Variants in NAA30 observed in about 807,000 individuals in gnomAD.
The protein encoded by NAA30 is N-alpha-acetyltransferase 30.
A neutral mutation model predicts 31.4 loss-of-function variants in NAA30; 5 were observed. The observed-to-expected ratio is 0.16, with a 90% CI of 0.08 to 0.33. The LOEUF (loss-of-function observed/expected upper bound fraction) is 0.33, where lower values mean the gene tolerates loss of function less well. NAA30 is among the 10% of genes least tolerant of loss of function. The pLI, the probability that NAA30 is intolerant of heterozygous loss-of-function variation, is 1.00. For synonymous variants in NAA30, 222 were observed against 207.1 expected, an observed-to-expected ratio of 1.07 and a Z score of -0.62; for missense variants, 428 against 490.8, an observed-to-expected ratio of 0.87 and a Z score of 1.21.
At position 57,391,471 on chromosome 14, in the gene NAA30, G is replaced by GT; in HGVS notation, c.514_515insT (p.Gly172ValfsTer35). The stretch of plus-strand genomic sequence containing the variant: ...GGCGGCCCGCAATGGACTGGCCGAG[G>GT]GCACCGAGCAGGAGGAGGAGGAGGA... On this transcript the variant is annotated frameshift_variant, in exon 2 of 5. Transcript: ENST00000556492. LOFTEE classifies it high-confidence loss of function. This position sits in a 1 kb window ranked among gnomAD's most constrained non-coding sequence, Gnocchi z 4.1. 6.8e-6 allele frequency: 11 copies of GT among 1,612,086 alleles called. No individual in the cohort carries two copies. The highest frequency in any genetic ancestry group is 9.3e-6 in the Non-Finnish European group (11 of 1,179,350).
intron 4 of NAA30, among the ~76,000 whole-genome samples, chr14:57,402,537 TTC>T (rs368725283): frequency 1.9e-3 from 283 of 152,344 alleles, no homozygotes; most frequent in African/African-American, 6.3e-3. Flanking sequence ...TCTCTGAACT[TTC>T]TGTGTGCTTT....
At chr14:57,401,039 T>A (rs905241120) in intron 4 of NAA30, among the ~76,000 whole-genome samples, 7 of 152,200 alleles carry the variant, frequency 4.6e-5, no homozygotes, top group Non-Finnish European at 7.3e-5. Context: ...CCTGGCCTGT[T>A]GCTACTGTTA....
rs1429473456 is a variant in NAA30 at position 57,414,943 on chromosome 14, TTAAAC to T, written c.*5430_*5434del. On this transcript the variant is annotated 3_prime_UTR_variant, in exon 5 of 5. Coordinates refer to ENST00000556492, the MANE Select transcript of NAA30 (RefSeq NM_001011713.3). ...CAAATTTATCTTCTAATACTACTAT[TTAAAC>T]TATGCAATATGGGGGTTATAATGAA... 15 of 152,254 alleles carry T rather than the reference TTAAAC, an allele frequency of 9.9e-5. No individual in the cohort carries two copies. Among genetic ancestry groups the T allele is most frequent in the African/African-American group, 3.4e-4 (14 of 41,466 alleles). 9.4% of individuals were successfully genotyped at this position (152,254 alleles called of 1,614,324 possible). A position where few individuals can be genotyped will look rare whatever the true frequency, so the allele number is the denominator to read the frequency against.
In NAA30 at chr14:57,391,390, A is replaced by G; in HGVS notation, c.433A>G (p.Asn145Asp). 6.2e-7 allele frequency: 1 copy of G among 1,609,622 alleles called. No homozygotes were observed. The highest frequency in any genetic ancestry group is 1.7e-4 in the Middle Eastern group (1 of 6,014). ...GAGGCCCCCTCACTCCCTCTCTAGTAATGCAAGAACTGCGGTCCCCAGCCC... is the reference window on the plus strand; with the variant it reads ...GAGGCCCCCTCACTCCCTCTCTAGTGATGCAAGAACTGCGGTCCCCAGCCC... Reference protein sequence around the residue: ...GERPPHSLSSNARTAVPSPVE... With the variant: ...GERPPHSLSSDARTAVPSPVE... The change falls in exon 2 of 5, where the codon AAT (asparagine) becomes GAT (aspartate). Residue 145 changes from asparagine to aspartate, a missense_variant. Physicochemically the swap from Asn to Asp is conservative, Grantham distance 23. Around this residue, in one of 2 missense-constraint regions of NAA30, gnomAD observed 349 missense variants for 310.4 expected, o/e 1.12. Coordinates refer to ENST00000556492, the MANE Select transcript of NAA30 (RefSeq NM_001011713.3). The surrounding 1 kb of genome is among the most constrained non-coding windows in gnomAD (Gnocchi z 4.1).
intron 4 of NAA30, among the ~76,000 whole-genome samples, chr14:57,401,863 T>C (rs903664327): frequency 6.6e-6 from 1 of 152,220 alleles, no homozygotes. Flanking sequence ...AAATTAATGA[T>C]ATATTTTATG....
chr14:57,408,934 T>C (rs1013588932), intron 4 of NAA30, among the ~76,000 whole-genome samples: 1 of 152,206 alleles, frequency 6.6e-6, no homozygotes, highest in Non-Finnish European at 1.5e-5. Flanking sequence ...ATGGTAGTTA[T>C]TGCCAGAATA....
intron 2 of NAA30, 109 bp from the exon 3 acceptor site, chr14:57,396,643 A>C: frequency 8.8e-7 from 1 of 1,139,944 alleles, no homozygotes. Flanking sequence ...AGTTCCCATT[A>C]TCTTCCCCCG....
intron 2 of NAA30, among the ~76,000 whole-genome samples, chr14:57,394,587 CTAA>C (rs1307594475): frequency 6.6e-6 from 1 of 152,080 alleles, no homozygotes; most frequent in African/African-American, 2.4e-5. Flanking sequence ...GTCTTCACTA[CTAA>C]TGTCATCGTA....
In NAA30 at chr14:57,391,319, G is replaced by T; in HGVS notation, c.362G>T (p.Gly121Val). Residue 121 changes from glycine (G) to valine (V), a missense_variant, in exon 2 of 5, where the codon GGC becomes GTC. Gly to Val is a moderately radical substitution (Grantham distance 109). Coordinates refer to ENST00000556492, the MANE Select transcript of NAA30 (RefSeq NM_001011713.3). This position sits in a 1 kb window ranked among gnomAD's most constrained non-coding sequence, Gnocchi z 4.1. ...VAATTATPDG[G>V]PRATATKGAG... ...GCGACCACAGCCACCCCTGACGGAG[G>T]CCCCAGAGCGACTGCAACAAAAGGA... 6.2e-7 allele frequency: 1 copy of T among 1,611,314 alleles called. No individual in the cohort carries two copies. Among genetic ancestry groups the T allele is most frequent in the Non-Finnish European group, 8.5e-7 (1 of 1,179,298 alleles).
intron 2 of NAA30, among the ~76,000 whole-genome samples, chr14:57,393,216 A>G (rs1023992569): frequency 6.6e-6 from 1 of 152,190 alleles, no homozygotes; most frequent in Admixed American, 6.5e-5. Flanking sequence ...TTGAGTCCTG[A>G]TAGTTACCTA....
intron 2 of NAA30, among the ~76,000 whole-genome samples, chr14:57,395,819 T>G (rs1411106400): frequency 1.3e-5 from 2 of 152,140 alleles, no homozygotes; most frequent in Non-Finnish European, 2.9e-5. Flanking sequence ...CTTACATATA[T>G]TAACAAAAAC....
chr14:57,393,809 C>T lies in NAA30; in HGVS notation c.771+2081C>T, dbSNP rs116332095. 3.7e-3 allele frequency among the ~76,000 whole-genome samples: 556 copies of T among 152,148 alleles called. 4 individuals carry two copies. The highest frequency in any genetic ancestry group is 0.013 in the African/African-American group (532 of 41,520). On this transcript the variant is annotated intron_variant, in intron 2 of 4. Transcript: ENST00000556492. Reference sequence around the variant, plus strand: ...GTTTCAATCTCCAGATATTTACCGTCGGAAGGGTAAAGCTAGAACCCAGTT... The same window carrying T: ...GTTTCAATCTCCAGATATTTACCGTTGGAAGGGTAAAGCTAGAACCCAGTT...
chr14:57,406,750 G>T (rs2139765888), intron 4 of NAA30, among the ~76,000 whole-genome samples: 1 of 152,220 alleles, frequency 6.6e-6, no homozygotes, highest in South Asian at 2.1e-4. Context: ...ATAATTAGGT[G>T]CTGGACCTCA....
Position 57,409,457 on chromosome 14 carries a change from C to T in NAA30, c.1030C>T (p.Leu344=). 2 of 1,611,942 alleles carry T rather than the reference C, an allele frequency of 1.2e-6. No homozygotes were observed. Among genetic ancestry groups the T allele is most frequent in the East Asian group, 4.5e-5 (2 of 44,756 alleles). ...TCTTGGTTTTGTTCGAGATAAGAGG[C>T]TGTTCAGATACTATTTAAATGGAGT... The part of the protein sequence containing the change: ...ENLGFVRDKR[L]FRYYLNGVDA... Residue 344 remains leucine (L), a synonymous_variant, in exon 5 of 5, where the codon CTG becomes TTG. Transcript: ENST00000556492.
chr14:57,404,287 A>G (rs2066489644), intron 4 of NAA30, among the ~76,000 whole-genome samples: 1 of 152,008 alleles, frequency 6.6e-6, no homozygotes, highest in Non-Finnish European at 1.5e-5. Flanking sequence ...GCGCCATTGC[A>G]CTCCAGCCTG....
intron 4 of NAA30, among the ~76,000 whole-genome samples, chr14:57,403,379 G>A (rs1028962912): frequency 2.1e-4 from 32 of 152,084 alleles, no homozygotes; most frequent in Non-Finnish European, 4.0e-4. Context: ...GTCATTTTAA[G>A]CTCAGAGTAT....
At chr14:57,397,580 T>C (rs774862134) in intron 3 of NAA30, among the ~76,000 whole-genome samples, 1 of 152,198 alleles carries the variant, frequency 6.6e-6, no homozygotes, top group African/African-American at 2.4e-5. Context: ...GAACCACTCT[T>C]CTATGGCTGG....
chr14:57,408,000 TGTG>T lies in NAA30; in HGVS notation c.952-1374_952-1372del, dbSNP rs543872702. 2.5e-4 allele frequency among the ~76,000 whole-genome samples: 38 copies of T among 152,182 alleles called. No individual in the cohort carries two copies. In the East Asian group the frequency reaches 6.8e-3, roughly 27 times the overall value. On this transcript the variant is annotated intron_variant, in intron 4 of 4. Transcript: ENST00000556492. ...CTGGGTTTCAGGTTTGAGGCATTGG[TGTG>T]GTGGGGGGTGATCCTGTTTACTGAG...
Position 57,391,293 on chromosome 14 carries a change from C to T in NAA30, c.336C>T (p.Ala112=), listed in dbSNP as rs1336772379. Residue 112 remains alanine (A), a synonymous_variant, in exon 2 of 5, where the codon GCC becomes GCT. Transcript: ENST00000556492. The surrounding 1 kb of genome is among the most constrained non-coding windows in gnomAD (Gnocchi z 4.1). Reference sequence around the variant, plus strand: ...AGGTCCTGAGCGTAGCAGAGGTGGCCGCGACCACAGCCACCCCTGACGGAG... The same window carrying T: ...AGGTCCTGAGCGTAGCAGAGGTGGCTGCGACCACAGCCACCCCTGACGGAG... ...KSKVLSVAEV[A]ATTATPDGGP... 2.5e-6 allele frequency: 4 copies of T among 1,610,728 alleles called. No individual in the cohort carries two copies. Among genetic ancestry groups the T allele is most frequent in the Non-Finnish European group, 3.4e-6 (4 of 1,178,970 alleles).
Sources: allele counts gnomAD v4.1 joint callset (sites outside exome capture counted in the v4.1 genomes callset), GRCh38; gene constraint gnomAD v4.1.1; regional missense constraint gnomAD v4.1.1; non-coding constraint Gnocchi (gnomAD v3.1); transcripts MANE v1.5; gene names NCBI Gene and HGNC (gene_info 2026-07-23, HGNC 2026-07-21).